PACRG: variants seen among roughly 807,000 people sequenced by gnomAD.
PACRG encodes the protein parkin coregulated, also known as parkin coregulated gene protein.
PACRG carries 29 observed loss-of-function variants against 29.7 expected under a neutral mutation model. That is an observed-to-expected ratio of 0.98 (90% CI 0.73 to 1.33). The LOEUF (loss-of-function observed/expected upper bound fraction) is 1.33. Ranked by LOEUF, PACRG falls within the 40% of genes most tolerant of loss-of-function variation. The probability of loss-of-function intolerance (pLI) is 0.00; values close to 1 mark genes in which losing one functional copy is unlikely to be tolerated. For missense variants in PACRG, 279 were observed against 316.2 expected (o/e 0.88, Z 0.89); for synonymous variants, 116 against 118.7 (o/e 0.98, Z 0.15).
chr6:162,952,277 G>A (rs1213163523), intron 2 of PACRG, among the ~76,000 whole-genome samples: 2 of 152,284 alleles, frequency 1.3e-5, no homozygotes, highest in African/African-American at 2.4e-5. Flanking sequence ...TCATGAAATA[G>A]TCTGAACCTA....
intron 1 of PACRG, among the ~76,000 whole-genome samples, chr6:162,805,052 G>A (rs1185054657): frequency 6.6e-6 from 1 of 152,140 alleles, no homozygotes; most frequent in Non-Finnish European, 1.5e-5. Context: ...AAGTACTTGT[G>A]TATCTTAAAC....
At chr6:163,043,161 C>A (rs975250940) in intron 2 of PACRG, 4 of 152,146 alleles carry the variant, frequency 2.6e-5, no homozygotes, top group Non-Finnish European at 1.5e-5. Context: ...GACTTCTGTT[C>A]TTCAATCACT....
chr6:163,257,040 C>T (rs1020455783), intron 4 of PACRG, among the ~76,000 whole-genome samples: 4 of 152,020 alleles, frequency 2.6e-5, no homozygotes, highest in South Asian at 2.1e-4. Context: ...GTCTGTGTCT[C>T]GGCGTCTCTG....
intron 4 of PACRG, among the ~76,000 whole-genome samples, chr6:163,109,484 G>A (rs887564644): frequency 2.0e-5 from 3 of 152,222 alleles, no homozygotes; most frequent in Non-Finnish European, 4.4e-5. Flanking sequence ...CCAAAAGAAT[G>A]CTGGACAAAA....
intron 2 of PACRG, among the ~76,000 whole-genome samples, chr6:162,866,700 T>C (rs1792325516): frequency 6.6e-6 from 1 of 151,986 alleles, no homozygotes; most frequent in Non-Finnish European, 1.5e-5. Context: ...CCAAAACAGT[T>C]TGAGGGAACT....
At chr6:162,989,634 T>A (rs1181264213) in intron 2 of PACRG, among the ~76,000 whole-genome samples, 1 of 151,824 alleles carries the variant, frequency 6.6e-6, no homozygotes, top group Non-Finnish European at 1.5e-5. Context: ...ACACAACAAA[T>A]CCATTTTTAT....
intron 4 of PACRG, among the ~76,000 whole-genome samples, chr6:163,164,268 A>G (rs561761462): frequency 1.1e-4 from 17 of 152,318 alleles, no homozygotes; most frequent in Admixed American, 3.3e-4. Context: ...ATTCCTTTCG[A>G]TATCTCAGTC....
chr6:163,290,644 C>T (rs895497561), intron 4 of PACRG, among the ~76,000 whole-genome samples: 2 of 152,170 alleles, frequency 1.3e-5, no homozygotes, highest in Non-Finnish European at 2.9e-5. Flanking sequence ...GCACCTGCCT[C>T]ACAGTTGAGT....
chr6:162,992,115 T>G (rs1277691395), intron 2 of PACRG, among the ~76,000 whole-genome samples: 1 of 143,404 alleles, frequency 7.0e-6, no homozygotes, highest in Non-Finnish European at 1.5e-5. Context: ...GGATAAGCTT[T>G]TTGAGGTGCT....
chr6:162,734,582 A>G (rs1466100921), intron 1 of PACRG, among the ~76,000 whole-genome samples: 1 of 152,186 alleles, frequency 6.6e-6, no homozygotes, highest in African/African-American at 2.4e-5. Context: ...ATTCTTTCAT[A>G]TATAATAGGG....
intron 1 of PACRG, among the ~76,000 whole-genome samples, chr6:162,793,424 A>G (rs868526969): frequency 6.6e-6 from 1 of 152,198 alleles, no homozygotes; most frequent in Non-Finnish European, 1.5e-5. Flanking sequence ...ATAACAAAGT[A>G]TCTGGAGGAA....
intron 1 of PACRG, among the ~76,000 whole-genome samples, chr6:162,792,006 AGCTGT>A (rs1246548094): frequency 8.5e-5 from 13 of 152,194 alleles, no homozygotes; most frequent in Admixed American, 2.0e-4. Context: ...CAAGAACATT[AGCTGT>A]GAATGAGGCT....
chr6:162,736,450 T>G (rs2128253672), intron 1 of PACRG, among the ~76,000 whole-genome samples: 1 of 152,184 alleles, frequency 6.6e-6, no homozygotes, highest in African/African-American at 2.4e-5. Context: ...ATAGCTGCGT[T>G]TTTGTAGTTG....
intron 2 of PACRG, among the ~76,000 whole-genome samples, chr6:162,868,684 C>T (rs2127990863): frequency 6.6e-6 from 1 of 152,198 alleles, no homozygotes; most frequent in Non-Finnish European, 1.5e-5. Flanking sequence ...TCATCACCTG[C>T]TTCCTGCGGG....
intron 4 of PACRG, among the ~76,000 whole-genome samples, chr6:163,195,423 C>T (rs1196873114): frequency 6.6e-6 from 1 of 152,158 alleles, no homozygotes; most frequent in Non-Finnish European, 1.5e-5. Context: ...TTACATCATA[C>T]ATTTGACCGT....
intron 2 of PACRG, among the ~76,000 whole-genome samples, chr6:162,897,592 C>G (rs892874127): frequency 2.6e-5 from 4 of 152,198 alleles, no homozygotes; most frequent in Admixed American, 2.0e-4. Flanking sequence ...CCATTAAATG[C>G]AAAGGATGTG....
chr6:163,005,458 A>G (rs1301417231), intron 2 of PACRG, among the ~76,000 whole-genome samples: 2 of 151,726 alleles, frequency 1.3e-5, no homozygotes, highest in South Asian at 2.1e-4. Context: ...CCTTCTAATT[A>G]TTACTTTAGT....
At chr6:162,950,348 G>GAA (rs200078156) in intron 2 of PACRG, among the ~76,000 whole-genome samples, 1 of 149,278 alleles carries the variant, frequency 6.7e-6, no homozygotes, top group Non-Finnish European at 1.5e-5. Flanking sequence ...ATACAAAAAA[G>GAA]AAAAAAAAAA....
At chr6:163,178,357 C>T (rs1779488102) in intron 4 of PACRG, among the ~76,000 whole-genome samples, 1 of 152,208 alleles carries the variant, frequency 6.6e-6, no homozygotes. Context: ...AGGGGAAGTG[C>T]TGCGTAGACT....
Sources: allele counts gnomAD v4.1 joint callset (sites outside exome capture counted in the v4.1 genomes callset), GRCh38; gene constraint gnomAD v4.1.1; transcripts MANE v1.5; gene names NCBI Gene and HGNC (gene_info 2026-07-23, HGNC 2026-07-21).